CNIH4: variants seen among roughly 807,000 people sequenced by gnomAD.
CNIH4 encodes protein cornichon homolog 4.
Under a neutral mutation model 21.5 loss-of-function variants are expected in CNIH4, and 9 were observed. That is an observed-to-expected ratio of 0.42 (90% CI 0.25 to 0.73). CNIH4 has a LOEUF of 0.73. CNIH4 is among the 30% of genes least tolerant of loss of function. CNIH4 has a pLI of 0.27. For missense variants in CNIH4, 159 were observed against 170.0 expected, an observed-to-expected ratio of 0.94 and a Z score of 0.36; for synonymous variants, 67 against 59.1, an observed-to-expected ratio of 1.13 and a Z score of -0.61.
intron 2 of CNIH4, chr1:224,364,270 G>A: frequency 1.0e-6 from 1 of 985,338 alleles, no homozygotes; most frequent in Non-Finnish European, 1.2e-6. Flanking sequence ...TTTCAGGTCT[G>A]TGTCTGTGTA....
At chr1:224,363,037 C>CT (rs1169314140) in intron 2 of CNIH4, among the ~76,000 whole-genome samples, 3 of 151,460 alleles carry the variant, frequency 2.0e-5, no homozygotes, top group Admixed American at 6.6e-5. Flanking sequence ...TCTGAATTTT[C>CT]TTTTTTTCTT....
chr1:224,376,860 A>AAAT lies in CNIH4; in HGVS notation c.*1041_*1043dup. On this transcript the variant is annotated 3_prime_UTR_variant, in exon 5 of 5. Transcript: ENST00000465271. ...TCTGTTTGCCAGCTCTTACAGGGTA[A>AAAT]AATAAACCTGGCAATTTATCCTCAG... is the stretch of plus-strand genomic sequence containing the variant. The AAAT allele has an allele frequency of 1.0e-6, 1 of 985,442 alleles. No homozygotes were observed. Among genetic ancestry groups the AAAT allele is most frequent in the Non-Finnish European group, 1.2e-6 (1 of 829,934 alleles). The allele number at this position is 985,442 out of a possible 1,614,324, so 61.0% of individuals were successfully genotyped here.
intron 3 of CNIH4, among the ~76,000 whole-genome samples, chr1:224,366,324 G>T (rs1223014582): frequency 6.6e-6 from 1 of 151,046 alleles, no homozygotes; most frequent in South Asian, 2.1e-4. Context: ...TTATTTATAG[G>T]TGTGAGCCAA....
rs537011531 is a variant in CNIH4, at chr1:224,360,685, A to C, written c.138+122A>C. Reference sequence around the variant, plus strand: ...TACATGTTGTCTCTTATTCATTGGAAATTTGATGGAACTGCTGTGTTTTAC... The same window carrying C: ...TACATGTTGTCTCTTATTCATTGGACATTTGATGGAACTGCTGTGTTTTAC... On this transcript the variant is annotated intron_variant, in intron 2 of 4. Coordinates refer to ENST00000465271, the MANE Select transcript of CNIH4 (RefSeq NM_014184.4). The C allele has an allele frequency of 1.9e-4, 84 of 451,374 alleles. 1 individual carries two copies. The South Asian group carries it at 5.1e-3, about 27-fold the overall frequency. The allele number at this position is 451,374 out of a possible 1,614,324, so 28.0% of individuals were successfully genotyped here.
At chr1:224,368,339 A>G (rs1159468730) in intron 3 of CNIH4, among the ~76,000 whole-genome samples, 1 of 152,214 alleles carries the variant, frequency 6.6e-6, no homozygotes, top group Non-Finnish European at 1.5e-5. Context: ...TCAAAAAAAC[A>G]AACAGAAACA....
Position 224,370,559 on chromosome 1 carries a change from T to C in CNIH4, c.252-724T>C, listed in dbSNP as rs560876024. Among the ~76,000 whole-genome samples, 7 of 152,350 alleles carry C rather than the reference T, an allele frequency of 4.6e-5. No individual in the cohort carries two copies. The South Asian group carries it at 1.2e-3, about 27-fold the overall frequency. On this transcript the variant is annotated intron_variant, in intron 3 of 4. Transcript: ENST00000465271. ...ATTCATTGATCCTCTCAAAGTAACC[T>C]AACTTCCTTAATTTCCCTGTTTCCA...
rs1672787433 is a variant in CNIH4 at position 224,376,601 on chromosome 1, GA to G, written c.*781del. ...TAACGTATTTTCATGGGTTTGGGTA[GA>G]AGATGCTAATCAGATTAGAAGCAGG... On this transcript the variant is annotated 3_prime_UTR_variant, in exon 5 of 5. Coordinates refer to ENST00000465271, the MANE Select transcript of CNIH4 (RefSeq NM_014184.4). The G allele has an allele frequency of 2.0e-6, 2 of 985,274 alleles. No homozygotes were observed. Among genetic ancestry groups the G allele is most frequent in the Non-Finnish European group, 2.4e-6 (2 of 829,940 alleles). The allele number at this position is 985,274 out of a possible 1,614,324, so 61.0% of individuals were successfully genotyped here.
At chr1:224,358,942 C>T (rs1672193449) in intron 1 of CNIH4, among the ~76,000 whole-genome samples, 1 of 152,148 alleles carries the variant, frequency 6.6e-6, no homozygotes, top group Non-Finnish European at 1.5e-5. Context: ...TCACGGTAGA[C>T]TTAATATAGG....
At chr1:224,369,125 T>G (rs12134167) in intron 3 of CNIH4, among the ~76,000 whole-genome samples, 18,036 of 152,068 alleles carry the variant, frequency 0.12, 1,303 homozygotes, top group South Asian at 0.25. Context: ...AATAAGTAAT[T>G]TAGGTGTGAT....
intron 2 of CNIH4, among the ~76,000 whole-genome samples, chr1:224,365,440 T>C (rs1414457960): frequency 1.3e-5 from 2 of 152,246 alleles, no homozygotes; most frequent in South Asian, 2.1e-4. Context: ...TTTCTCTGAA[T>C]ATGAAATGGT....
In CNIH4 at chr1:224,371,425, T is replaced by C. The variant is rs766840349; in HGVS notation, c.392+2T>C. The C allele has an allele frequency of 6.2e-7, 1 of 1,612,626 alleles. No homozygotes were observed. The highest frequency in any genetic ancestry group is 1.3e-5 in the African/African-American group (1 of 74,964). ...CTGCTTCTTCATGTATCTTTATAGG[T>C]GAGTTTAAAGTCCTGGTATTTTCCT... is the stretch of plus-strand genomic sequence containing the variant. On this transcript the variant is annotated splice_donor_variant, in intron 4 of 4. Coordinates refer to ENST00000465271, the MANE Select transcript of CNIH4 (RefSeq NM_014184.4). LOFTEE classifies it high-confidence loss of function.
At chr1:224,371,807 T>C (rs1162052410) in intron 4 of CNIH4, among the ~76,000 whole-genome samples, 4 of 152,194 alleles carry the variant, frequency 2.6e-5, no homozygotes, top group African/African-American at 7.2e-5. Flanking sequence ...GTGGGCGTGG[T>C]GGCACATGCC....
chr1:224,360,238 G>GT (rs1351788425), intron 1 of CNIH4, among the ~76,000 whole-genome samples: 2 of 150,772 alleles, frequency 1.3e-5, no homozygotes, highest in Non-Finnish European at 2.9e-5. Flanking sequence ...AATAGCCATT[G>GT]TTTTACATTT....
chr1:224,368,153 G>T lies in CNIH4; in HGVS notation c.251+2162G>T, dbSNP rs377678686. Among the ~76,000 whole-genome samples the T allele has an allele frequency of 2.0e-5, 3 of 152,278 alleles. No individual in the cohort carries two copies. In the East Asian group the frequency reaches 5.8e-4, roughly 29 times the overall value. On this transcript the variant is annotated intron_variant, in intron 3 of 4. Coordinates refer to ENST00000465271, the MANE Select transcript of CNIH4 (RefSeq NM_014184.4). ...CGAGACCAGCCCTGGCTAACGTGGAGAAACTGCATCTCTACTAAAAATACA... is the reference window on the plus strand; with the variant it reads ...CGAGACCAGCCCTGGCTAACGTGGATAAACTGCATCTCTACTAAAAATACA...
rs1223219304 is a variant in CNIH4, at chr1:224,378,046, T to C, written c.*2224T>C. 6.6e-6 allele frequency: 1 copy of C among 152,002 alleles called. No homozygotes were observed. Among genetic ancestry groups the C allele is most frequent in the East Asian group, 1.9e-4 (1 of 5,186 alleles). The allele number at this position is 152,002 out of a possible 1,614,324, so 9.4% of individuals were successfully genotyped here. ...AAGCCAGGAAAGTGGGGGATCACTGTAGTTAAATTTTTTTTTTTTTTAATT... is the reference window on the plus strand; with the variant it reads ...AAGCCAGGAAAGTGGGGGATCACTGCAGTTAAATTTTTTTTTTTTTTAATT... On this transcript the variant is annotated 3_prime_UTR_variant, in exon 5 of 5. Transcript: ENST00000465271.
At chr1:224,368,674 C>G (rs1409938138) in intron 3 of CNIH4, among the ~76,000 whole-genome samples, 1 of 144,116 alleles carries the variant, frequency 6.9e-6, no homozygotes, top group Non-Finnish European at 1.5e-5. Context: ...TTTTTTTTTT[C>G]GAGATAGAGT....
chr1:224,369,737 C>CGCAATCTTG (rs1169222332), intron 3 of CNIH4, among the ~76,000 whole-genome samples: 1 of 148,594 alleles, frequency 6.7e-6, no homozygotes, highest in Non-Finnish European at 1.5e-5. Context: ...AGTGTGATAC[C>CGCAATCTTG]GCAATCTTGG....
intron 2 of CNIH4, among the ~76,000 whole-genome samples, chr1:224,362,965 T>A (rs1185163860): frequency 1.3e-5 from 2 of 152,330 alleles, no homozygotes; most frequent in East Asian, 3.9e-4. Flanking sequence ...ATTTTTCCTT[T>A]TTCTTAGTTT....
In CNIH4 at chr1:224,377,783, T is replaced by C. The variant is rs1327753882; in HGVS notation, c.*1961T>C. The stretch of plus-strand genomic sequence containing the variant: ...GTGTGAGCCACTGCGCCTGGCCATG[T>C]AGATGACTTTTGACCAAAATGTTTC... On this transcript the variant is annotated 3_prime_UTR_variant, in exon 5 of 5. Coordinates refer to ENST00000465271, the MANE Select transcript of CNIH4 (RefSeq NM_014184.4). 6.6e-6 allele frequency: 1 copy of C among 152,108 alleles called. No individual in the cohort carries two copies. Among genetic ancestry groups the C allele is most frequent in the African/African-American group, 2.4e-5 (1 of 41,412 alleles). 9.4% of individuals were successfully genotyped at this position (152,108 alleles called of 1,614,324 possible). A position where few individuals can be genotyped will look rare whatever the true frequency, so the allele number is the denominator to read the frequency against.
Sources: gnomAD v4.1 joint callset for allele counts (sites outside exome capture counted in the v4.1 genomes callset) on GRCh38, gnomAD v4.1.1 for gene constraint, MANE v1.5 for transcripts, NCBI Gene and HGNC (gene_info 2026-07-23, HGNC 2026-07-21) for gene names.